Variants in ZC3H18 observed in about 807,000 individuals in gnomAD.
The protein encoded by ZC3H18 is zinc finger CCCH domain-containing protein 18.
In ZC3H18, 8 loss-of-function variants were observed where a neutral mutation model predicts 106.1. The observed-to-expected ratio is 0.08, with a 90% CI of 0.04 to 0.14. The LOEUF (loss-of-function observed/expected upper bound fraction) is 0.14, where lower values mean the gene tolerates loss of function less well. Ranked by LOEUF, ZC3H18 falls within the 10% of genes least tolerant of loss-of-function variation. The probability of loss-of-function intolerance (pLI) is 1.00; values close to 1 mark genes in which losing one functional copy is unlikely to be tolerated. For missense variants in ZC3H18, 1,318 were observed against 1,278.4 expected, an observed-to-expected ratio of 1.03 and a Z score of -0.47; for synonymous variants, 635 against 522.1, an observed-to-expected ratio of 1.22 and a Z score of -2.95.
At chr16:88,626,176 TCC>T (rs1906298776) in intron 13 of ZC3H18, 1 of 152,070 alleles carries the variant, frequency 6.6e-6, no homozygotes, top group Non-Finnish European at 1.5e-5. Flanking sequence ...GATCTTGAAC[TCC>T]TGACCTCAGG....
Position 88,598,245 on chromosome 16 carries a change from C to G in ZC3H18, c.756C>G (p.Ser252=). 1 of 1,613,834 alleles carries G rather than the reference C, an allele frequency of 6.2e-7. No individual in the cohort carries two copies. The highest frequency in any genetic ancestry group is 1.7e-4 in the Middle Eastern group (1 of 6,060). The part of the protein sequence containing the change: ...HPGVNDKGNY[S]LITKADPFPP... ...GAGTGAACGACAAGGGGAACTACTC[C>G]CTAATCACCAAAGCCGACCCCTTCC... The change falls in exon 4 of 18, where the codon TCC becomes TCG. Residue 252 remains serine (S), a synonymous_variant. Coordinates refer to ENST00000301011, the MANE Select transcript of ZC3H18 (RefSeq NM_144604.4).
intron 3 of ZC3H18, among the ~76,000 whole-genome samples, chr16:88,592,808 C>T (rs920970449): frequency 6.6e-6 from 1 of 152,202 alleles, no homozygotes; most frequent in African/African-American, 2.4e-5. Context: ...TTTCGAATGC[C>T]ACTTTACTTC....
At chr16:88,598,820 A>G in intron 5 of ZC3H18, 108 bp downstream of exon 5, 1 of 965,542 alleles carries the variant, frequency 1.0e-6, no homozygotes, top group Admixed American at 2.7e-5. Context: ...AAATCTCTGA[A>G]GTTAGGCGTC....
intron 16 of ZC3H18, 61 bp downstream of exon 16, chr16:88,628,915 G>C: frequency 6.3e-7 from 1 of 1,588,160 alleles, no homozygotes; most frequent in South Asian, 1.1e-5. Context: ...ATGCGGAGCA[G>C]CTGGGTCTGA....
intron 16 of ZC3H18, 41 bp from the exon 17 acceptor site, chr16:88,630,444 G>C: frequency 1.3e-6 from 2 of 1,559,458 alleles, no homozygotes; most frequent in Non-Finnish European, 8.8e-7. Flanking sequence ...GCCATTCCCT[G>C]TACATCAGGA....
chr16:88,602,633 C>G (rs1467358649), intron 6 of ZC3H18, among the ~76,000 whole-genome samples: 1 of 152,226 alleles, frequency 6.6e-6, no homozygotes, highest in Non-Finnish European at 1.5e-5. Flanking sequence ...TCCAGGGACA[C>G]AAATTCTCTG....
Position 88,623,324 on chromosome 16 carries a change from G to A in ZC3H18, c.1773G>A (p.Ser591=), listed in dbSNP as rs141632092. The A allele has an allele frequency of 1.1e-5, 18 of 1,613,542 alleles. No homozygotes were observed. Among genetic ancestry groups the A allele is most frequent in the East Asian group, 4.5e-5 (2 of 44,890 alleles). ...CCAGCCGCTCTTCCAGACACAGCTCGTTCTCAGGAAGCCGGTCCAGGTATG... is the reference window on the plus strand; with the variant it reads ...CCAGCCGCTCTTCCAGACACAGCTCATTCTCAGGAAGCCGGTCCAGGTATG... ...SYSSRSSRHS[S]FSGSRSRSRS... is the part of the protein sequence containing the mutation. Residue 591 remains serine (S), a synonymous_variant, in exon 10 of 18, where the codon TCG becomes TCA. Transcript: ENST00000301011.
At chr16:88,623,116 G>T in intron 9 of ZC3H18, 103 bp from the exon 10 acceptor site, 1 of 1,487,994 alleles carries the variant, frequency 6.7e-7, no homozygotes, top group Non-Finnish European at 9.0e-7. Flanking sequence ...CTTGTGTGTA[G>T]CTGTGCGTCT....
chr16:88,602,563 CA>C (rs1473767128), intron 6 of ZC3H18, among the ~76,000 whole-genome samples: 1 of 152,246 alleles, frequency 6.6e-6, no homozygotes, highest in African/African-American at 2.4e-5. Flanking sequence ...TTGTTTTTAA[CA>C]AGCCCTCCAG....
At chr16:88,626,375 G>A (rs1437081390) in intron 13 of ZC3H18, 2 of 151,648 alleles carry the variant, frequency 1.3e-5, no homozygotes, top group Non-Finnish European at 2.9e-5. Context: ...CAGAGATCCT[G>A]TCTCAAAACA....
chr16:88,611,333 C>G lies in ZC3H18; in HGVS notation c.1272C>G (p.Asp424Glu), dbSNP rs1567592226. Residue 424 changes from aspartate to glutamate, a missense_variant, in exon 8 of 18, where the codon GAC becomes GAG. Asp to Glu is a conservative substitution (Grantham distance 45, BLOSUM62 2). Transcript: ENST00000301011. The stretch of plus-strand genomic sequence containing the variant: ...AGCGCGAGCGGGAGCGGGAGCGGGA[C>G]CGAGAGCGGGAGCGCCGGCAGAGGG... ...QRERERERERDRERERRQRER... is the reference protein window; with the variant it reads ...QRERERERERERERERRQRER... 1 of 773,078 alleles carries G rather than the reference C, an allele frequency of 1.3e-6. No individual in the cohort carries two copies. The highest frequency in any genetic ancestry group is 1.5e-5 in the South Asian group (1 of 68,762). 47.9% of individuals were successfully genotyped at this position (773,078 alleles called of 1,614,324 possible). A position where few individuals can be genotyped will look rare whatever the true frequency, so the allele number is the denominator to read the frequency against.
chr16:88,577,152 A>C lies in ZC3H18; in HGVS notation c.29A>C (p.Asp10Ala). 1 of 1,580,218 alleles carries C rather than the reference A, an allele frequency of 6.3e-7. No individual in the cohort carries two copies. The highest frequency in any genetic ancestry group is 8.6e-7 in the Non-Finnish European group (1 of 1,161,010). The change falls in exon 2 of 18, where the codon GAT becomes GCT. Residue 10 changes from aspartate to alanine, a missense_variant. Around this residue, in one of 6 missense-constraint regions of ZC3H18, gnomAD observed 346 missense variants for 269.0 expected, o/e 1.29. Coordinates refer to ENST00000301011, the MANE Select transcript of ZC3H18 (RefSeq NM_144604.4). MDVAESPER[D>A]PHSPEDEEQP... ...GATGTGGCCGAGAGCCCTGAACGGG[A>C]TCCTCACTCTCCAGAGGATGAAGAG...
rs1915455933 is a variant in ZC3H18 at position 88,586,699 on chromosome 16, G to T, written c.688+15G>T. The T allele has an allele frequency of 6.2e-7, 1 of 1,612,986 alleles. No individual in the cohort carries two copies. The highest frequency in any genetic ancestry group is 1.1e-5 in the South Asian group (1 of 91,034). On this transcript the variant is annotated intron_variant, in intron 3 of 17. Transcript: ENST00000301011. Reference sequence around the variant, plus strand: ...CTTCATGAAAGGTAATTGTCTGCGTGTGAGGCCTTCTCGCAGCCAGCTGGG... The same window carrying T: ...CTTCATGAAAGGTAATTGTCTGCGTTTGAGGCCTTCTCGCAGCCAGCTGGG...
chr16:88,619,675 C>G lies in ZC3H18; in HGVS notation c.1476-2522C>G, dbSNP rs1270241423. On this transcript the variant is annotated intron_variant, in intron 8 of 17. Transcript: ENST00000301011. ...ACCTCAGCTGGTTTTATTTCCATGC[C>G]GTGGCAGGGGGCAAGCAGACGCTGT... Among the ~76,000 whole-genome samples, 4 of 152,170 alleles carry G rather than the reference C, an allele frequency of 2.6e-5. No homozygotes were observed. In the South Asian group the frequency reaches 8.3e-4, roughly 31 times the overall value.
intron 6 of ZC3H18, among the ~76,000 whole-genome samples, chr16:88,606,734 T>G (rs1209054129): frequency 6.6e-6 from 1 of 152,186 alleles, no homozygotes; most frequent in Non-Finnish European, 1.5e-5. Flanking sequence ...TTCCTGAGTG[T>G]TATAATTCAG....
chr16:88,622,615 C>T (rs1906035996), intron 9 of ZC3H18: 2 of 531,886 alleles, frequency 3.8e-6, no homozygotes, highest in East Asian at 3.3e-5. Context: ...CAGACCCCGG[C>T]GACTGAGCCT....
Position 88,631,889 on chromosome 16 carries a change from GTGT to G in ZC3H18, c.*596_*598del. Reference sequence around the variant, plus strand: ...AGAAAAGACCAAAAAAAGGCCAAGGGTGTTGTTGGGGCGTCTGTCTAATGTGGT... The same window carrying G: ...AGAAAAGACCAAAAAAAGGCCAAGGGTGTTGGGGCGTCTGTCTAATGTGGT... On this transcript the variant is annotated 3_prime_UTR_variant, in exon 18 of 18. Transcript: ENST00000301011. 3.4e-6 allele frequency: 1 copy of G among 297,086 alleles called. No homozygotes were observed. The highest frequency in any genetic ancestry group is 1.2e-4 in the East Asian group (1 of 8,534). The allele number at this position is 297,086 out of a possible 1,614,324, so 18.4% of individuals were successfully genotyped here. A position where few individuals can be genotyped will look rare whatever the true frequency, so the allele number is the denominator to read the frequency against.
Position 88,622,847 on chromosome 16 carries a change from G to A in ZC3H18, c.1668-372G>A, listed in dbSNP as rs375741001. 2.2e-5 allele frequency: 7 copies of A among 316,824 alleles called. No homozygotes were observed. In the Admixed American group the frequency reaches 2.4e-4, roughly 11 times the overall value. 19.6% of individuals were successfully genotyped at this position (316,824 alleles called of 1,614,324 possible). On this transcript the variant is annotated intron_variant, in intron 9 of 17. Coordinates refer to ENST00000301011, the MANE Select transcript of ZC3H18 (RefSeq NM_144604.4). ...GGGTAGACCCCATCATGCTCGGCAG[G>A]AACAGGAGGTGTGGGTGGGAGGCCA...
chr16:88,593,004 T>A (rs1425241937), intron 3 of ZC3H18, among the ~76,000 whole-genome samples: 1 of 152,228 alleles, frequency 6.6e-6, no homozygotes. Flanking sequence ...ATCCCTATGA[T>A]AAAGTTTAAT....
Sources: allele counts gnomAD v4.1 joint callset (sites outside exome capture counted in the v4.1 genomes callset), GRCh38; gene constraint gnomAD v4.1.1; regional missense constraint gnomAD v4.1.1; transcripts MANE v1.5; gene names NCBI Gene and HGNC (gene_info 2026-07-23, HGNC 2026-07-21).